MANEAL: variants seen among roughly 807,000 people sequenced by gnomAD.
The protein encoded by MANEAL is mannosidase endo-alpha like, also known as glycoprotein endo-alpha-1,2-mannosidase-like protein.
A neutral mutation model predicts 35.9 loss-of-function variants in MANEAL; 28 were observed. That is an observed-to-expected ratio of 0.78 (90% CI 0.58 to 1.07). MANEAL has a LOEUF of 1.07. Among genes scored for constraint, MANEAL ranks in the 50% least tolerant of loss-of-function variants. The probability of loss-of-function intolerance (pLI) is 0.00; values close to 1 mark genes in which losing one functional copy is unlikely to be tolerated. For synonymous variants in MANEAL, 286 were observed against 272.2 expected (o/e 1.05, Z -0.50); for missense variants, 576 against 629.6 (o/e 0.91, Z 0.91).
chr1:37,800,381 C>T lies in MANEAL; in HGVS notation c.*178C>T, dbSNP rs1646688532. ...TGCAACACAGAGCCCGTTCCTCAGG[C>T]GAGTGGTGCTGAGGTGCTCTGTGGT... On this transcript the variant is annotated 3_prime_UTR_variant, in exon 4 of 4. Coordinates refer to ENST00000373045, the MANE Select transcript of MANEAL (RefSeq NM_001113482.2). 4.1e-6 allele frequency: 3 copies of T among 723,058 alleles called. No individual in the cohort carries two copies. The highest frequency in any genetic ancestry group is 1.9e-5 in the South Asian group (1 of 53,400). The allele number at this position is 723,058 out of a possible 1,614,324, so 44.8% of individuals were successfully genotyped here.
At chr1:37,797,230 G>A (rs1569810988) in intron 3 of MANEAL, among the ~76,000 whole-genome samples, 2 of 151,788 alleles carry the variant, frequency 1.3e-5, no homozygotes, top group African/African-American at 2.4e-5. Context: ...GTGAAACCCC[G>A]TCTCTACTAA....
At position 37,800,067 on chromosome 1, in the gene MANEAL, T is replaced by C. The variant is rs765544932; in HGVS notation, c.1238T>C (p.Ile413Thr). Residue 413 changes from isoleucine (I) to threonine (T), a missense_variant, in exon 4 of 4, where the codon ATT (isoleucine) becomes ACT (threonine). Ile to Thr is a moderately conservative substitution (Grantham distance 89, BLOSUM62 -1). Around this residue, in one of 3 missense-constraint regions of MANEAL, gnomAD observed 449 missense variants for 516.1 expected, o/e 0.87. Transcript: ENST00000373045. Reference sequence around the variant, plus strand: ...AATGAGTGGCACGAGGGCACCCAGATTGAGAAGGCCATTCCCAAGAAGACA... The same window carrying C: ...AATGAGTGGCACGAGGGCACCCAGACTGAGAAGGCCATTCCCAAGAAGACA... Reference protein sequence around the residue: ...SFNEWHEGTQIEKAIPKKTPT... With the variant: ...SFNEWHEGTQTEKAIPKKTPT... 2.5e-6 allele frequency: 4 copies of C among 1,614,094 alleles called. No individual in the cohort carries two copies. The Admixed American group carries it at 5.0e-5, about 20-fold the overall frequency.
At chr1:37,795,429 G>T in intron 1 of MANEAL, 1 of 1,084,552 alleles carries the variant, frequency 9.2e-7, no homozygotes, top group South Asian at 2.0e-5. Context: ...TAGGCCTGTG[G>T]CTTCCAGGTG....
Position 37,794,111 on chromosome 1 carries a change from G to T in MANEAL, c.-72G>T, listed in dbSNP as rs2148382923. 3.9e-6 allele frequency: 4 copies of T among 1,031,358 alleles called. No homozygotes were observed. In the South Asian group the frequency reaches 1.8e-4, roughly 46 times the overall value. 63.9% of individuals were successfully genotyped at this position (1,031,358 alleles called of 1,614,324 possible). On this transcript the variant is annotated 5_prime_UTR_variant, in exon 1 of 4. Transcript: ENST00000373045. This position sits in a 1 kb window ranked among gnomAD's most constrained non-coding sequence, Gnocchi z 5.7. ...GGCGCACAGTCTGCCTGGGAAGCGC[G>T]CGGCCGGGCGGGCGGCCATGGCGCG...
intron 3 of MANEAL, among the ~76,000 whole-genome samples, chr1:37,798,063 A>G (rs572948252): frequency 1.3e-5 from 2 of 152,080 alleles, no homozygotes; most frequent in Admixed American, 1.3e-4. Context: ...AGGTGGGAGG[A>G]TCACTTGAGC....
chr1:37,795,556 C>CGGGCGTGGACAGCTCCG, intron 1 of MANEAL, 181 bp from the exon 2 acceptor site: 2 of 1,414,428 alleles, frequency 1.4e-6, no homozygotes, highest in South Asian at 3.0e-5. Context: ...TTCAGCACCG[C>CGGGCGTGGACAGCTCCG]GGGCGTGGAC....
chr1:37,795,020 A>C (rs761575716), intron 1 of MANEAL, among the ~76,000 whole-genome samples: 4 of 152,120 alleles, frequency 2.6e-5, no homozygotes, highest in Non-Finnish European at 5.9e-5. Context: ...AGAGTCTTCA[A>C]ATTTGTTGGG....
At chr1:37,795,632 G>T in intron 1 of MANEAL, 105 bp from the exon 2 acceptor site, 1 of 1,571,106 alleles carries the variant, frequency 6.4e-7, no homozygotes, top group Non-Finnish European at 8.6e-7. Flanking sequence ...GCTTGCTTCA[G>T]GTTTTTAGGA....
chr1:37,798,224 C>T (rs981161401), intron 3 of MANEAL, among the ~76,000 whole-genome samples: 4 of 152,016 alleles, frequency 2.6e-5, no homozygotes, highest in African/African-American at 9.7e-5. Flanking sequence ...CCCAGTTGTA[C>T]AGTAATGGGT....
chr1:37,797,464 C>CTTTTT (rs79029579), intron 3 of MANEAL, among the ~76,000 whole-genome samples: 2 of 116,996 alleles, frequency 1.7e-5, no homozygotes, highest in Non-Finnish European at 1.9e-5. Context: ...AATGCCAGTG[C>CTTTTT]TTTTTTTTTT....
chr1:37,796,850 G>A lies in MANEAL; in HGVS notation c.737+30G>A, dbSNP rs770938182. 21 of 1,587,690 alleles carry A rather than the reference G, an allele frequency of 1.3e-5. No homozygotes were observed. In the South Asian group the frequency reaches 1.6e-4, roughly 12 times the overall value. On this transcript the variant is annotated intron_variant, in intron 3 of 3. Coordinates refer to ENST00000373045, the MANE Select transcript of MANEAL (RefSeq NM_001113482.2). The stretch of plus-strand genomic sequence containing the variant: ...GGCTGCTCTGGGGGCCGGGATTTTG[G>A]TGGGGATCAAAATGGAGGTAGGGAT...
rs1187569789 is a variant in MANEAL at position 37,800,035 on chromosome 1, C to T, written c.1206C>T (p.Thr402=). 3 of 1,614,118 alleles carry T rather than the reference C, an allele frequency of 1.9e-6. No homozygotes were observed. The highest frequency in any genetic ancestry group is 2.2e-5 in the South Asian group (2 of 91,084). Residue 402 remains threonine (T), a synonymous_variant, in exon 4 of 4, where the codon ACC becomes ACT. Transcript: ENST00000373045. The part of the protein sequence containing the change: ...LTVRPEIVSI[T]SFNEWHEGTQ... ...TGAGGCCCGAGATCGTTTCCATTACCTCCTTCAATGAGTGGCACGAGGGCA... is the reference window on the plus strand; with the variant it reads ...TGAGGCCCGAGATCGTTTCCATTACTTCCTTCAATGAGTGGCACGAGGGCA...
rs1482068990 is a variant in MANEAL, at chr1:37,799,523, C to G, written c.738-44C>G. ...ATCCACGGGAGGTCCTACAGCTGTG[C>G]TGGTCTCTCCCATCCAGCTGAGGCT... On this transcript the variant is annotated intron_variant, in intron 3 of 3. Coordinates refer to ENST00000373045, the MANE Select transcript of MANEAL (RefSeq NM_001113482.2). This position sits in a 1 kb window ranked among gnomAD's most constrained non-coding sequence, Gnocchi z 4.1. 5 of 1,581,574 alleles carry G rather than the reference C, an allele frequency of 3.2e-6. No individual in the cohort carries two copies. Among genetic ancestry groups the G allele is most frequent in the Non-Finnish European group, 4.3e-6 (5 of 1,163,966 alleles).
In MANEAL at chr1:37,794,525, A is replaced by G; in HGVS notation, c.343A>G (p.Ser115Gly). The G allele has an allele frequency of 1.2e-6, 2 of 1,611,176 alleles. No homozygotes were observed. Among genetic ancestry groups the G allele is most frequent in the Non-Finnish European group, 1.7e-6 (2 of 1,179,452 alleles). The stretch of plus-strand genomic sequence containing the variant: ...CGCCTTCTACTACTCGTGGTACGGG[A>G]GCCCGCGGCGCGAGGGCCACTACAT... ...LHAFYYSWYG[S>G]PRREGHYIHW... Residue 115 changes from serine to glycine, a missense_variant, in exon 1 of 4, where the codon AGC becomes GGC. Around this residue, in one of 3 missense-constraint regions of MANEAL, gnomAD observed 449 missense variants for 516.1 expected, o/e 0.87. Transcript: ENST00000373045. The surrounding 1 kb of genome is among the most constrained non-coding windows in gnomAD (Gnocchi z 5.7).
In MANEAL at chr1:37,799,240, A is replaced by C. The variant is rs937203408; in HGVS notation, c.738-327A>C. On this transcript the variant is annotated intron_variant, in intron 3 of 3. Transcript: ENST00000373045. This position sits in a 1 kb window ranked among gnomAD's most constrained non-coding sequence, Gnocchi z 4.1. Reference sequence around the variant, plus strand: ...GCTGGGAAAAGAGCAGGAATGGAGTAGGCAGGGCCAGATCAAGTAGGTGGG... The same window carrying C: ...GCTGGGAAAAGAGCAGGAATGGAGTCGGCAGGGCCAGATCAAGTAGGTGGG... Among the ~76,000 whole-genome samples the C allele has an allele frequency of 6.6e-6, 1 of 152,176 alleles. No homozygotes were observed. Among genetic ancestry groups the C allele is most frequent in the Non-Finnish European group, 1.5e-5 (1 of 68,026 alleles).
chr1:37,795,456 C>G, intron 1 of MANEAL: 1 of 1,252,898 alleles, frequency 8.0e-7, no homozygotes, highest in Non-Finnish European at 1.0e-6. Context: ...GCACTGTCCT[C>G]CCATTCCCTT....
Position 37,800,076 on chromosome 1 carries a change from C to A in MANEAL, c.1247C>A (p.Ala416Asp). ...EWHEGTQIEK[A>D]IPKKTPTRLY... Reference sequence around the variant, plus strand: ...CACGAGGGCACCCAGATTGAGAAGGCCATTCCCAAGAAGACACCCACCCGC... The same window carrying A: ...CACGAGGGCACCCAGATTGAGAAGGACATTCCCAAGAAGACACCCACCCGC... The change falls in exon 4 of 4, where the codon GCC becomes GAC. Residue 416 changes from alanine (A) to aspartate (D), a missense_variant. Physicochemically the swap from Ala to Asp is moderately radical, Grantham distance 126 (BLOSUM62 -2). Around this residue, in one of 3 missense-constraint regions of MANEAL, gnomAD observed 449 missense variants for 516.1 expected, o/e 0.87. Coordinates refer to ENST00000373045, the MANE Select transcript of MANEAL (RefSeq NM_001113482.2). 6.2e-7 allele frequency: 1 copy of A among 1,614,150 alleles called. No individual in the cohort carries two copies. Among genetic ancestry groups the A allele is most frequent in the Non-Finnish European group, 8.5e-7 (1 of 1,180,046 alleles).
chr1:37,795,721 C>T lies in MANEAL; in HGVS notation c.551-16C>T. On this transcript the variant is annotated splice_polypyrimidine_tract_variant and intron_variant, in intron 1 of 3. Transcript: ENST00000373045. ...GTACTGTGTGTCTCTGAAGTGGCCT[C>T]TGTGTTGCGTCTCAGGCGTCCTGGT... is the stretch of plus-strand genomic sequence containing the variant. The T allele has an allele frequency of 1.9e-6, 3 of 1,613,930 alleles. No individual in the cohort carries two copies. Among genetic ancestry groups the T allele is most frequent in the Middle Eastern group, 3.3e-4 (2 of 6,062 alleles).
At chr1:37,797,863 A>G (rs1422942376) in intron 3 of MANEAL, among the ~76,000 whole-genome samples, 2 of 152,108 alleles carry the variant, frequency 1.3e-5, no homozygotes, top group Non-Finnish European at 2.9e-5. Context: ...AAGTGTTGGG[A>G]TTACAGGTGT....
Sources: gnomAD v4.1 joint callset for allele counts (sites outside exome capture counted in the v4.1 genomes callset) on GRCh38, gnomAD v4.1.1 for gene constraint, gnomAD v4.1.1 regional missense constraint, Gnocchi (gnomAD v3.1) non-coding constraint, MANE v1.5 for transcripts, NCBI Gene and HGNC (gene_info 2026-07-23, HGNC 2026-07-21) for gene names.